KIRREL3: variants seen among roughly 807,000 people sequenced by gnomAD.
The protein encoded by KIRREL3 is kirre like nephrin family adhesion molecule 3, also known as kin of IRRE-like protein 3.
A neutral mutation model predicts 89.7 loss-of-function variants in KIRREL3; 36 were observed. The observed-to-expected ratio is 0.40, with a 90% confidence interval of 0.31 to 0.53. The LOEUF is 0.53. Ranked by LOEUF, KIRREL3 falls within the 20% of genes least tolerant of loss-of-function variation. The pLI is 0.49. For missense variants in KIRREL3, 864 were observed against 1,056.6 expected (o/e 0.82, Z 2.53); for synonymous variants, 445 against 441.4 (o/e 1.01, Z -0.10).
chr11:126,472,727 A>AGAGAGAGAGAGAGAG (rs1215109315), intron 5 of KIRREL3, among the ~76,000 whole-genome samples: 4 of 151,942 alleles, frequency 2.6e-5, no homozygotes, highest in African/African-American at 9.7e-5. Flanking sequence ...AGAGAGAGAG[A>AGAGAGAGAGAGAGAG]GAGAGCACAA....
chr11:126,648,219 C>A (rs754796503), intron 1 of KIRREL3, among the ~76,000 whole-genome samples: 1 of 152,330 alleles, frequency 6.6e-6, no homozygotes, highest in South Asian at 2.1e-4. Flanking sequence ...GCTGTGCCTG[C>A]CTACAGAACC....
Position 126,669,638 on chromosome 11 carries a change from G to A in KIRREL3, c.56-106726C>T, listed in dbSNP as rs1945846194. On this transcript the variant is annotated intron_variant, in intron 1 of 16. Coordinates refer to ENST00000525144, the MANE Select transcript of KIRREL3 (RefSeq NM_032531.4). This position sits in a 1 kb window ranked among gnomAD's most constrained non-coding sequence, Gnocchi z 5.0. ...GCCCTCCCACGAGTCAGATTACCCA[G>A]TCAGCCAGTAAATGTTGGAGGACTC... Among the ~76,000 whole-genome samples, 1 of 152,156 alleles carries A rather than the reference G, an allele frequency of 6.6e-6. No individual in the cohort carries two copies. Among genetic ancestry groups the A allele is most frequent in the Non-Finnish European group, 1.5e-5 (1 of 68,030 alleles).
At chr11:126,625,841 G>A (rs1007802239) in intron 1 of KIRREL3, among the ~76,000 whole-genome samples, 1 of 152,118 alleles carries the variant, frequency 6.6e-6, no homozygotes, top group African/African-American at 2.4e-5. Context: ...AGTTATGAGT[G>A]GTCCTTTCTC....
At chr11:126,465,722 G>A (rs1956700464) in intron 5 of KIRREL3, among the ~76,000 whole-genome samples, 2 of 152,310 alleles carry the variant, frequency 1.3e-5, no homozygotes, top group South Asian at 4.1e-4. Context: ...GGAGAGTGAC[G>A]TGGCCAGATG....
At position 126,429,741 on chromosome 11, in the gene KIRREL3, C is replaced by T. The variant is rs537715288; in HGVS notation, c.1697-453G>A. 2.7e-4 allele frequency among the ~76,000 whole-genome samples: 41 copies of T among 152,348 alleles called. No homozygotes were observed. The highest frequency in any genetic ancestry group is 4.1e-4 in the South Asian group (2 of 4,828). On this transcript the variant is annotated intron_variant, in intron 14 of 16. Coordinates refer to ENST00000525144, the MANE Select transcript of KIRREL3 (RefSeq NM_032531.4). The surrounding 1 kb of genome is among the most constrained non-coding windows in gnomAD (Gnocchi z 5.2). ...TGGCCAACCCCCATCCAAAGAGAAA[C>T]GCCCCTGAGGCAGTGGGCAGCTTCT...
intron 1 of KIRREL3, among the ~76,000 whole-genome samples, chr11:126,849,747 A>G (rs1463902748): frequency 1.3e-5 from 2 of 152,102 alleles, no homozygotes; most frequent in East Asian, 3.9e-4. Context: ...GAAGGTGGAG[A>G]CGGTGTGAAA....
Position 126,583,809 on chromosome 11 carries a change from T to C in KIRREL3, c.56-20897A>G, listed in dbSNP as rs554409194. 3.3e-5 allele frequency among the ~76,000 whole-genome samples: 5 copies of C among 152,276 alleles called. No individual in the cohort carries two copies. The East Asian group carries it at 9.7e-4, about 29-fold the overall frequency. ...CACGACCCTCGCCCGGGGAAATGCC[T>C]GTCTTCTCCATTTAGAAAGTGACAG... On this transcript the variant is annotated intron_variant, in intron 1 of 16. Transcript: ENST00000525144.
chr11:126,533,460 C>T (rs56151063), intron 2 of KIRREL3, among the ~76,000 whole-genome samples: 1 of 152,216 alleles, frequency 6.6e-6, no homozygotes, highest in African/African-American at 2.4e-5. Flanking sequence ...TTCATCAGTT[C>T]TGTGTATAAT....
Position 126,527,455 on chromosome 11 carries a change from A to G in KIRREL3, c.134-768T>C, listed in dbSNP as rs1220172787. The stretch of plus-strand genomic sequence containing the variant: ...CCATCCACAATGCTTACAAGATGCC[A>G]TGCTCTGTTTTGAGGCTTTAAAATA... On this transcript the variant is annotated intron_variant, in intron 2 of 16. Transcript: ENST00000525144. This position sits in a 1 kb window ranked among gnomAD's most constrained non-coding sequence, Gnocchi z 4.2. Among the ~76,000 whole-genome samples the G allele has an allele frequency of 1.3e-5, 2 of 152,184 alleles. No homozygotes were observed. Among genetic ancestry groups the G allele is most frequent in the Admixed American group, 1.3e-4 (2 of 15,286 alleles).
chr11:126,697,189 A>T lies in KIRREL3; in HGVS notation c.56-134277T>A, dbSNP rs899805377. 6.6e-6 allele frequency among the ~76,000 whole-genome samples: 1 copy of T among 152,176 alleles called. No homozygotes were observed. Among genetic ancestry groups the T allele is most frequent in the African/African-American group, 2.4e-5 (1 of 41,442 alleles). ...CCAGACCTGTGTTCACCTGGCTCAC[A>T]GCCCTCCTTAATTACAATTGTAATT... On this transcript the variant is annotated intron_variant, in intron 1 of 16. Coordinates refer to ENST00000525144, the MANE Select transcript of KIRREL3 (RefSeq NM_032531.4). The surrounding 1 kb of genome is among the most constrained non-coding windows in gnomAD (Gnocchi z 4.2).
intron 1 of KIRREL3, among the ~76,000 whole-genome samples, chr11:126,949,268 A>T (rs1307266228): frequency 6.6e-6 from 1 of 152,200 alleles, no homozygotes; most frequent in African/African-American, 2.4e-5. Flanking sequence ...TGATCTCACC[A>T]TGTGGTTACC....
chr11:126,504,782 C>T (rs1231087059), intron 4 of KIRREL3, among the ~76,000 whole-genome samples: 1 of 152,102 alleles, frequency 6.6e-6, no homozygotes, highest in Non-Finnish European at 1.5e-5. Flanking sequence ...AATCCAGCAA[C>T]ATATAAAAAA....
chr11:126,933,777 A>AG (rs1948056799), intron 1 of KIRREL3, among the ~76,000 whole-genome samples: 1 of 38,236 alleles, frequency 2.6e-5, no homozygotes, highest in South Asian at 1.3e-3. Context: ...CCCACCAAAA[A>AG]GGAAAAAAAA....
At position 126,791,815 on chromosome 11, in the gene KIRREL3, A is replaced by G. The variant is rs1268727329; in HGVS notation, c.55+208640T>C. 6.6e-6 allele frequency among the ~76,000 whole-genome samples: 1 copy of G among 152,116 alleles called. No homozygotes were observed. Among genetic ancestry groups the G allele is most frequent in the African/African-American group, 2.4e-5 (1 of 41,422 alleles). ...GACACCTTTTAGCAGGTGGAGGGAC[A>G]GTTGTGGGGCTGTAGGGGCGGTTTC... On this transcript the variant is annotated intron_variant, in intron 1 of 16. Transcript: ENST00000525144. The surrounding 1 kb of genome is among the most constrained non-coding windows in gnomAD (Gnocchi z 4.8).
chr11:126,616,542 T>A (rs765408180), intron 1 of KIRREL3, among the ~76,000 whole-genome samples: 1 of 152,186 alleles, frequency 6.6e-6, no homozygotes, highest in Non-Finnish European at 1.5e-5. Flanking sequence ...GAGAATCAAG[T>A]GCTTAAAATA....
intron 1 of KIRREL3, among the ~76,000 whole-genome samples, chr11:126,650,014 C>T (rs1944847687): frequency 6.6e-6 from 1 of 152,262 alleles, no homozygotes; most frequent in East Asian, 1.9e-4. Context: ...TCAGGCTCAA[C>T]ACCACATGGA....
At chr11:126,842,789 C>T (rs530425495) in intron 1 of KIRREL3, among the ~76,000 whole-genome samples, 21 of 152,288 alleles carry the variant, frequency 1.4e-4, no homozygotes, top group Non-Finnish European at 3.1e-4. Flanking sequence ...AAGTGGACTG[C>T]CACCTGCCAA....
rs866743292 is a variant in KIRREL3, at chr11:126,718,867, C to T, written c.56-155955G>A. ...GGGGGCCTCACTGAGTCTTTCTGCC[C>T]CAGGAAGCCAAGCCCTCCTCTCTGA... On this transcript the variant is annotated intron_variant, in intron 1 of 16. Transcript: ENST00000525144. Among the ~76,000 whole-genome samples, 12 of 152,272 alleles carry T rather than the reference C, an allele frequency of 7.9e-5. No individual in the cohort carries two copies. The South Asian group carries it at 1.9e-3, about 24-fold the overall frequency.
chr11:126,693,625 A>C (rs1381777588), intron 1 of KIRREL3, among the ~76,000 whole-genome samples: 1 of 151,624 alleles, frequency 6.6e-6, no homozygotes, highest in African/African-American at 2.4e-5. Context: ...ACACACACAC[A>C]CACACACCCA....
Sources: allele counts gnomAD v4.1 joint callset (sites outside exome capture counted in the v4.1 genomes callset), GRCh38; gene constraint gnomAD v4.1.1; non-coding constraint Gnocchi (gnomAD v3.1); transcripts MANE v1.5; gene names NCBI Gene and HGNC (gene_info 2026-07-23, HGNC 2026-07-21).